Variants in FAM53A observed in about 807,000 individuals in gnomAD.
FAM53A encodes family with sequence similarity 53 member A.
In FAM53A, 28 loss-of-function variants were observed where a neutral mutation model predicts 26.6. That is an observed-to-expected ratio of 1.05 (90% CI 0.78 to 1.45). The LOEUF (loss-of-function observed/expected upper bound fraction) is 1.45, where lower values mean the gene tolerates loss of function less well. FAM53A is among the 40% of genes most tolerant of loss of function. FAM53A has a pLI of 0.00. For synonymous variants in FAM53A, 290 were observed against 253.1 expected (o/e 1.15, Z -1.38); for missense variants, 650 against 575.8 (o/e 1.13, Z -1.32).
intron 1 of FAM53A, among the ~76,000 whole-genome samples, chr4:1,622,355 G>A (rs138855707): frequency 1.6e-4 from 24 of 152,224 alleles, no homozygotes; most frequent in Non-Finnish European, 2.4e-4. Flanking sequence ...GGAGCCCCCC[G>A]GCTGAAGGTG....
At chr4:1,680,077 T>G (rs904838026) in intron 1 of FAM53A, among the ~76,000 whole-genome samples, 11 of 150,020 alleles carry the variant, frequency 7.3e-5, no homozygotes, top group Non-Finnish European at 1.5e-4. Context: ...TCCCAGCATT[T>G]TGGGAGGCCG....
At position 1,668,678 on chromosome 4, in the gene FAM53A, C is replaced by T. The variant is rs1560194520; in HGVS notation, c.64G>A (p.Glu22Lys). 2 of 1,614,164 alleles carry T rather than the reference C, an allele frequency of 1.2e-6. No individual in the cohort carries two copies. Among genetic ancestry groups the T allele is most frequent in the Non-Finnish European group, 1.7e-6 (2 of 1,180,038 alleles). The change falls in exon 2 of 5, where the codon GAG becomes AAG. Residue 22 changes from glutamate to lysine, a missense_variant. Transcript: ENST00000308132. ...CTGCAGCTGCTTACCGGGCCAGCCT[C>T]CGCCTTGCAGGTGAGGTCGTCCAGG... ...QSLDDLTCKA[E>K]AGPLQYSAET...
chr4:1,653,000 A>C (rs541341398), intron 4 of FAM53A, among the ~76,000 whole-genome samples: 1 of 148,066 alleles, frequency 6.8e-6, no homozygotes, highest in South Asian at 2.2e-4. Flanking sequence ...CACACATCCC[A>C]CACACACATC....
the FAM53A span, among the ~76,000 whole-genome samples, chr4:1,577,389 G>A: frequency 1.3e-5 from 2 of 152,332 alleles, no homozygotes; most frequent in African/African-American, 4.8e-5. Flanking sequence ...CCAGCAGACG[G>A]AGCCTGGACG....
chr4:1,625,723 G>A (rs891131602), intron 1 of FAM53A, among the ~76,000 whole-genome samples: 3 of 139,034 alleles, frequency 2.2e-5, no homozygotes, highest in Admixed American at 1.4e-4. Context: ...TGTGGTCAGG[G>A]TCACGCCAGG....
At chr4:1,618,905 TC>T (rs1714911189) in intron 1 of FAM53A, among the ~76,000 whole-genome samples, 1 of 152,138 alleles carries the variant, frequency 6.6e-6, no homozygotes, top group South Asian at 2.1e-4. Context: ...TCAGGGCTTA[TC>T]TGCGGCAGCC....
At chr4:1,638,732 C>T (rs1304102901), downstream of FAM53A, among the ~76,000 whole-genome samples, 1 of 151,698 alleles carries the variant, frequency 6.6e-6, no homozygotes, top group South Asian at 2.1e-4. Context: ...CACATCCCCT[C>T]GCTCCCACAC....
At chr4:1,652,829 C>T (rs577778793) in intron 4 of FAM53A, among the ~76,000 whole-genome samples, 1 of 148,106 alleles carries the variant, frequency 6.8e-6, no homozygotes, top group East Asian at 2.0e-4. Context: ...TACTACCCAC[C>T]ACACACCACA....
intron 1 of FAM53A, among the ~76,000 whole-genome samples, chr4:1,622,123 C>T (rs1176279789): frequency 6.6e-6 from 1 of 152,212 alleles, no homozygotes; most frequent in East Asian, 1.9e-4. Flanking sequence ...ACTTCCCAGC[C>T]TCCAGAAACT....
At chr4:1,578,292 T>C in the FAM53A span, among the ~76,000 whole-genome samples, 2 of 152,200 alleles carry the variant, frequency 1.3e-5, no homozygotes, top group Non-Finnish European at 2.9e-5. Flanking sequence ...TAACCAATAA[T>C]TAAGCAGCCA....
chr4:1,644,627 G>C lies in FAM53A; in HGVS notation c.883-3020C>G, dbSNP rs79810329. 2,484 of 416,586 alleles carry C rather than the reference G, an allele frequency of 6.0e-3. 53 individuals are homozygous for C. The highest frequency in any genetic ancestry group is 0.045 in the African/African-American group (2,254 of 49,930). The allele number at this position is 416,586 out of a possible 1,614,324, so 25.8% of individuals were successfully genotyped here. On this transcript the variant is annotated intron_variant, in intron 4 of 4. Coordinates refer to ENST00000308132, the MANE Select transcript of FAM53A (RefSeq NM_001174070.3). ...AGCTCCTGCTACCATCACTCTGGTTGGATGGTCACTTCCATCTGAGGTTAA... is the reference window on the plus strand; with the variant it reads ...AGCTCCTGCTACCATCACTCTGGTTCGATGGTCACTTCCATCTGAGGTTAA...
upstream of FAM53A, among the ~76,000 whole-genome samples, chr4:1,684,614 G>A (rs946117876): frequency 1.3e-5 from 2 of 151,930 alleles, no homozygotes; most frequent in African/African-American, 4.8e-5. Context: ...ACCTGTGGCG[G>A]CGGCGACCTG....
the FAM53A span, among the ~76,000 whole-genome samples, chr4:1,612,709 AGCATAAACAAGCAT>A: frequency 1.3e-5 from 2 of 152,214 alleles, no homozygotes; most frequent in African/African-American, 4.8e-5. Flanking sequence ...ACATGCGCAC[AGCATAAACAAGCAT>A]GCACACACCA....
At chr4:1,581,635 C>T in the FAM53A span, among the ~76,000 whole-genome samples, 2 of 152,300 alleles carry the variant, frequency 1.3e-5, no homozygotes, top group African/African-American at 4.8e-5. Context: ...TTGCTCTTGT[C>T]GCCCAGGCTG....
At chr4:1,618,104 G>A in exon 2 of FAM53A, 1 of 456,386 alleles carries the variant, frequency 2.2e-6, no homozygotes, top group Non-Finnish European at 4.4e-6. Flanking sequence ...AACAGTCCGT[G>A]AGGCAACCTG....
At chr4:1,578,171 C>A in the FAM53A span, among the ~76,000 whole-genome samples, 6 of 152,208 alleles carry the variant, frequency 3.9e-5, no homozygotes, top group African/African-American at 1.4e-4. Context: ...GCCCCCAGAC[C>A]GGCACGATGT....
the FAM53A span, among the ~76,000 whole-genome samples, chr4:1,593,240 AG>A: frequency 6.6e-6 from 1 of 152,024 alleles, no homozygotes; most frequent in African/African-American, 2.4e-5. Flanking sequence ...TCTGCAACCC[AG>A]ACGTTTGGAG....
chr4:1,590,955 C>CATATATAT, the FAM53A span, among the ~76,000 whole-genome samples: 156 of 46,246 alleles, frequency 3.4e-3, 5 homozygotes, highest in Non-Finnish European at 4.7e-3. Context: ...TTATTTAATG[C>CATATATAT]ATATATATAT....
chr4:1,673,959 T>A (rs571718368), intron 1 of FAM53A, among the ~76,000 whole-genome samples: 1 of 152,246 alleles, frequency 6.6e-6, no homozygotes, highest in African/African-American at 2.4e-5. Context: ...GTGTGGAACA[T>A]GCATTTCCTG....
Sources: gnomAD v4.1 joint callset for allele counts (sites outside exome capture counted in the v4.1 genomes callset) on GRCh38, gnomAD v4.1.1 for gene constraint, MANE v1.5 for transcripts, NCBI Gene and HGNC (gene_info 2026-07-23, HGNC 2026-07-21) for gene names.